Variants in COG5 observed in about 807,000 individuals in gnomAD.
COG5 encodes conserved oligomeric Golgi complex subunit 5.
COG5 carries 86 observed loss-of-function variants against 110.4 expected under a neutral mutation model. The observed-to-expected ratio is 0.78, with a 90% CI of 0.65 to 0.93. The LOEUF is 0.93. Ranked by LOEUF, COG5 falls within the 40% of genes least tolerant of loss-of-function variation. COG5 has a pLI of 0.00. For missense variants in COG5, 1,077 were observed against 987.0 expected (o/e 1.09, Z -1.22); for synonymous variants, 360 against 334.6 (o/e 1.08, Z -0.83).
chr7:107,543,799 G>A (rs1802225914), intron 5 of COG5, among the ~76,000 whole-genome samples: 1 of 152,044 alleles, frequency 6.6e-6, no homozygotes, highest in African/African-American at 2.4e-5. Context: ...GTCAGCCCCT[G>A]TGGCCCCACA....
In COG5 at chr7:107,474,251, T is replaced by C. The variant is rs372074309; in HGVS notation, c.538+52986A>G. On this transcript the variant is annotated intron_variant, in intron 6 of 21. Coordinates refer to ENST00000297135, the MANE Select transcript of COG5 (RefSeq NM_006348.5). This position sits in a 1 kb window ranked among gnomAD's most constrained non-coding sequence, Gnocchi z 5.7. ...CTTGGCAGCAACCTCACTGTATTGG[T>C]ACTTTACTGCATGAAATCCAACTTA... 2.7e-5 allele frequency: 43 copies of C among 1,612,748 alleles called. No individual in the cohort carries two copies. The highest frequency in any genetic ancestry group is 2.5e-4 in the African/African-American group (19 of 74,988).
In COG5 at chr7:107,557,963, A is replaced by G; in HGVS notation, c.234+13T>C. ...GCTGAATAATCCATAGGGACCCAGAAGATCAGAATTACCTGTAAGTGTAGT... is the reference window on the plus strand; with the variant it reads ...GCTGAATAATCCATAGGGACCCAGAGGATCAGAATTACCTGTAAGTGTAGT... On this transcript the variant is annotated intron_variant, in intron 2 of 21. Coordinates refer to ENST00000297135, the MANE Select transcript of COG5 (RefSeq NM_006348.5). The G allele has an allele frequency of 3.1e-6, 5 of 1,613,958 alleles. No individual in the cohort carries two copies. In the South Asian group the frequency reaches 4.4e-5, roughly 14 times the overall value.
At chr7:107,304,755 C>A (rs867762548) in intron 11 of COG5, among the ~76,000 whole-genome samples, 1 of 152,136 alleles carries the variant, frequency 6.6e-6, no homozygotes. Flanking sequence ...AAACTGGCTG[C>A]GGTCTGGCCA....
At chr7:107,295,020 TATATATACACACAC>T in intron 12 of COG5, among the ~76,000 whole-genome samples, 1 of 127,996 alleles carries the variant, frequency 7.8e-6, no homozygotes, top group African/African-American at 2.9e-5. Flanking sequence ...TACACACATA[TATATATACACACAC>T]ATATACACAC....
At chr7:107,425,060 C>G (rs188993961) in intron 6 of COG5, among the ~76,000 whole-genome samples, 95 of 152,212 alleles carry the variant, frequency 6.2e-4, no homozygotes, top group African/African-American at 2.2e-3. Context: ...TAATATATAA[C>G]ATTTCCCACA....
chr7:107,411,191 G>A (rs975182817), intron 7 of COG5, among the ~76,000 whole-genome samples: 2 of 152,144 alleles, frequency 1.3e-5, no homozygotes, highest in Non-Finnish European at 2.9e-5. Flanking sequence ...CAGGATGGAG[G>A]GCTACAGAGT....
chr7:107,556,267 T>C (rs1803310393), intron 2 of COG5, among the ~76,000 whole-genome samples: 1 of 152,166 alleles, frequency 6.6e-6, no homozygotes, highest in Non-Finnish European at 1.5e-5. Flanking sequence ...TTTATAAGCA[T>C]CCAAACTCTC....
intron 12 of COG5, among the ~76,000 whole-genome samples, chr7:107,290,168 A>C (rs1309564025): frequency 6.6e-6 from 1 of 152,188 alleles, no homozygotes; most frequent in Admixed American, 6.6e-5. Context: ...ATGTGGATTC[A>C]GTGAGTGCTA....
At position 107,203,574 on chromosome 7, in the gene COG5, G is replaced by A. The variant is rs1050606884; in HGVS notation, c.2432C>T (p.Ala811Val). The change falls in exon 22 of 22, where the codon GCA becomes GTA. Residue 811 changes from alanine (A) to valine (V), a missense_variant. Physicochemically the swap from Ala to Val is moderately conservative, Grantham distance 64. Coordinates refer to ENST00000297135, the MANE Select transcript of COG5 (RefSeq NM_006348.5). ...CTGAACCATTATGGGATAAACTGGT[G>A]CAAATTCTTTGCCTTCTCTACTTCT... The part of the protein sequence containing the change: ...SVRSREGKEF[A>V]PVYPIMVQLL... 6.2e-7 allele frequency: 1 copy of A among 1,614,100 alleles called. No individual in the cohort carries two copies. Among genetic ancestry groups the A allele is most frequent in the South Asian group, 1.1e-5 (1 of 91,090 alleles).
intron 7 of COG5, among the ~76,000 whole-genome samples, chr7:107,407,304 C>A (rs917536205): frequency 6.6e-6 from 1 of 152,170 alleles, no homozygotes; most frequent in Admixed American, 6.5e-5. Context: ...ATCACTTGAA[C>A]CCAGGAGTCG....
At chr7:107,334,574 T>C (rs778009999) in intron 10 of COG5, among the ~76,000 whole-genome samples, 8 of 152,008 alleles carry the variant, frequency 5.3e-5, no homozygotes, top group Non-Finnish European at 1.0e-4. Flanking sequence ...AGCGCTACAA[T>C]TGGTCTGGCA....
intron 7 of COG5, 59 bp from the exon 8 acceptor site, chr7:107,372,819 A>C (rs1346852174): frequency 1.3e-6 from 2 of 1,516,090 alleles, no homozygotes; most frequent in East Asian, 4.6e-5. Flanking sequence ...AACAAAATCA[A>C]CATAAATATA....
intron 2 of COG5, among the ~76,000 whole-genome samples, chr7:107,554,973 T>C (rs1452819398): frequency 1.5e-4 from 23 of 152,170 alleles, no homozygotes; most frequent in Admixed American, 1.5e-3. Context: ...AACAGCTCAT[T>C]ATTGCCACAC....
intron 10 of COG5, among the ~76,000 whole-genome samples, chr7:107,328,984 G>A (rs556834745): frequency 3.0e-4 from 46 of 152,094 alleles, no homozygotes; most frequent in Non-Finnish European, 5.9e-4. Context: ...CCACTGAAAC[G>A]CCAGCTTTTT....
intron 10 of COG5, among the ~76,000 whole-genome samples, chr7:107,334,423 C>T (rs942230808): frequency 6.6e-6 from 1 of 151,666 alleles, no homozygotes; most frequent in African/African-American, 2.4e-5. Flanking sequence ...TATGAATATC[C>T]AGTTACAGGA....
chr7:107,325,847 G>A (rs1228566834), intron 10 of COG5, among the ~76,000 whole-genome samples: 1 of 152,070 alleles, frequency 6.6e-6, no homozygotes, highest in African/African-American at 2.4e-5. Context: ...TTTAAAATAA[G>A]TCTTATGGTT....
At chr7:107,402,506 G>C (rs1338187305) in intron 7 of COG5, among the ~76,000 whole-genome samples, 1 of 152,182 alleles carries the variant, frequency 6.6e-6, no homozygotes, top group African/African-American at 2.4e-5. Flanking sequence ...TGGGGGACTG[G>C]TATCTATGGT....
intron 10 of COG5, among the ~76,000 whole-genome samples, chr7:107,355,643 A>T (rs971541175): frequency 6.6e-6 from 1 of 152,260 alleles, no homozygotes; most frequent in African/African-American, 2.4e-5. Context: ...CCTTAAACGC[A>T]TATTGCTAAG....
At chr7:107,277,240 T>C (rs1182524217) in intron 14 of COG5, among the ~76,000 whole-genome samples, 2 of 152,120 alleles carry the variant, frequency 1.3e-5, no homozygotes, top group African/African-American at 4.8e-5. Context: ...AAAAAAGATG[T>C]TATGTTTATA....
Sources: gnomAD v4.1 joint callset for allele counts (sites outside exome capture counted in the v4.1 genomes callset) on GRCh38, gnomAD v4.1.1 for gene constraint, Gnocchi (gnomAD v3.1) non-coding constraint, MANE v1.5 for transcripts, NCBI Gene and HGNC (gene_info 2026-07-23, HGNC 2026-07-21) for gene names.